Variants in JAKMIP3 observed in about 807,000 individuals in gnomAD.
The protein encoded by JAKMIP3 is Janus kinase and microtubule interacting protein 3, also known as janus kinase and microtubule-interacting protein 3.
Under a neutral mutation model 118.5 loss-of-function variants are expected in JAKMIP3, and 58 were observed. The ratio of observed to expected loss-of-function variants is 0.49; its 90% CI spans 0.40 to 0.61. The LOEUF (loss-of-function observed/expected upper bound fraction) is 0.61, where lower values mean the gene tolerates loss of function less well. Ranked by LOEUF, JAKMIP3 falls within the 20% of genes least tolerant of loss-of-function variation. The pLI is 0.00. For synonymous variants in JAKMIP3, 486 were observed against 451.2 expected (o/e 1.08, Z -0.98); for missense variants, 950 against 1,109.0 (o/e 0.86, Z 2.04).
intron 1 of JAKMIP3, among the ~76,000 whole-genome samples, chr10:132,087,225 TCTG>T (rs2042512827): frequency 2.0e-5 from 3 of 152,312 alleles, no homozygotes; most frequent in South Asian, 2.1e-4. Flanking sequence ...TGCTGAGAAA[TCTG>T]CTGTTAATCT....
At chr10:132,182,138 G>A (rs1015890440) in intron 23 of JAKMIP3, among the ~76,000 whole-genome samples, 1 of 152,182 alleles carries the variant, frequency 6.6e-6, no homozygotes, top group Non-Finnish European at 1.5e-5. Context: ...TGTGGCCTTC[G>A]GTGGGTGCCA....
rs1442774836 is a variant in JAKMIP3, at chr10:132,153,971, C to T, written c.2201C>T (p.Ala734Val). The stretch of plus-strand genomic sequence containing the variant: ...GAGGAGCTGGACTACCGGAAACAGG[C>T]CTTGGACCAGGCCAACAAGGTGAGA... ...LDEELDYRKQ[A>V]LDQANKHILE... The change falls in exon 19 of 24, where the codon GCC (alanine) becomes GTC (valine). Residue 734 changes from alanine (A) to valine (V), a missense_variant. By Grantham distance (64) the Ala-to-Val change is moderately conservative. Coordinates refer to ENST00000684848, the MANE Select transcript of JAKMIP3 (RefSeq NM_001323087.2). 1 of 1,613,032 alleles carries T rather than the reference C, an allele frequency of 6.2e-7. No individual in the cohort carries two copies. Among genetic ancestry groups the T allele is most frequent in the East Asian group, 2.2e-5 (1 of 44,872 alleles).
At chr10:132,063,497 C>T (rs1411606565), upstream of JAKMIP3, among the ~76,000 whole-genome samples, 1 of 152,180 alleles carries the variant, frequency 6.6e-6, no homozygotes, top group East Asian at 1.9e-4. Context: ...CTACAATGAG[C>T]ACATTTCACT....
Position 132,180,746 on chromosome 10 carries a change from C to CGTGTGTGTGCGTGTGTGT in JAKMIP3, c.*1104-1610_*1104-1609insTGTGTGTGCGTGTGTGTG, listed in dbSNP as rs1386218178. Among the ~76,000 whole-genome samples the CGTGTGTGTGCGTGTGTGT allele has an allele frequency of 1.9e-4, 2 of 10,750 alleles. 1 individual carries two copies. 7.1% of individuals were successfully genotyped at this position (10,750 alleles called of 152,430 possible). A position where few individuals can be genotyped will look rare whatever the true frequency, so the allele number is the denominator to read the frequency against. On this transcript the variant is annotated intron_variant, in intron 23 of 23. Transcript: ENST00000684848. ...GTGTGTGTGCGTGTGTGCGTGCGTG[C>CGTGTGTGTGCGTGTGTGT]GCGCGCGTGTGTGCGTGTGTGTGCG...
At chr10:132,116,225 C>T (rs1206437593) in intron 2 of JAKMIP3, among the ~76,000 whole-genome samples, 1 of 152,268 alleles carries the variant, frequency 6.6e-6, no homozygotes, top group Non-Finnish European at 1.5e-5. Context: ...CAGCGCGTTA[C>T]AGATTCCGGT....
rs2045641359 is a variant in JAKMIP3, at chr10:132,104,741, GCCACCC to G, written c.-64_-59del. Reference sequence around the variant, plus strand: ...CTGGGAGCTTGGCGTGGACACCCCAGCCACCCCCAGCCCAGCCCAGCCGGAGCACCC... The same window carrying G: ...CTGGGAGCTTGGCGTGGACACCCCAGCCAGCCCAGCCCAGCCGGAGCACCC... On this transcript the variant is annotated 5_prime_UTR_variant, in exon 2 of 24. Coordinates refer to ENST00000684848, the MANE Select transcript of JAKMIP3 (RefSeq NM_001323087.2). The G allele has an allele frequency of 5.3e-6, 8 of 1,504,202 alleles. No individual in the cohort carries two copies. The South Asian group carries it at 8.6e-5, about 16-fold the overall frequency. 93.2% of individuals were successfully genotyped at this position (1,504,202 alleles called of 1,614,324 possible).
In JAKMIP3 at chr10:132,180,774, T is replaced by TGTGTGTGCGCGC. The variant is rs1565022485; in HGVS notation, c.*1104-1576_*1104-1575insCGCGCGTGTGTG. On this transcript the variant is annotated intron_variant, in intron 23 of 23. Coordinates refer to ENST00000684848, the MANE Select transcript of JAKMIP3 (RefSeq NM_001323087.2). ...GCGCGTGTGTGCGTGTGTGTGCGTG[T>TGTGTGTGCGCGC]GTGTGTGTGCGCGTATGCATGTGCT... 3.9e-4 allele frequency among the ~76,000 whole-genome samples: 26 copies of TGTGTGTGCGCGC among 65,850 alleles called. 11 individuals are homozygous for TGTGTGTGCGCGC. The highest frequency in any genetic ancestry group is 7.8e-4 in the Non-Finnish European group (26 of 33,428). The allele number at this position is 65,850 out of a possible 152,430, so 43.2% of individuals were successfully genotyped here. A position where few individuals can be genotyped will look rare whatever the true frequency, so the allele number is the denominator to read the frequency against.
In JAKMIP3 at chr10:132,167,957, A is replaced by G; in HGVS notation, c.*27A>G. ...TCTACGTTTCATTTCTTCCAGCCCC[A>G]CATTGAATCGGACCCTTTTCCTCCA... On this transcript the variant is annotated 3_prime_UTR_variant, in exon 23 of 24. Coordinates refer to ENST00000684848, the MANE Select transcript of JAKMIP3 (RefSeq NM_001323087.2). The G allele has an allele frequency of 4.7e-6, 6 of 1,288,170 alleles. No homozygotes were observed. The highest frequency in any genetic ancestry group is 6.1e-6 in the Non-Finnish European group (6 of 988,586). 79.8% of individuals were successfully genotyped at this position (1,288,170 alleles called of 1,614,324 possible).
chr10:132,141,793 TAG>T lies in JAKMIP3; in HGVS notation c.1474-121_1474-120del, dbSNP rs923446170. On this transcript the variant is annotated intron_variant, in intron 10 of 23. Coordinates refer to ENST00000684848, the MANE Select transcript of JAKMIP3 (RefSeq NM_001323087.2). ...GAGCAGGTCCCCTCCCTCATGCTGC[TAG>T]AGAGACCCCCCCATACACCATTTGA... 55 of 1,106,270 alleles carry T rather than the reference TAG, an allele frequency of 5.0e-5. No individual in the cohort carries two copies. In the Admixed American group the frequency reaches 1.3e-3, roughly 26 times the overall value. 68.5% of individuals were successfully genotyped at this position (1,106,270 alleles called of 1,614,324 possible).
chr10:132,078,612 C>T (rs1443507488), intron 1 of JAKMIP3, among the ~76,000 whole-genome samples: 1 of 51,316 alleles, frequency 1.9e-5, no homozygotes, highest in East Asian at 9.5e-4. Context: ...GGGACCTTCT[C>T]TGGGGGCGGG....
intron 1 of JAKMIP3, among the ~76,000 whole-genome samples, chr10:132,048,416 C>T (rs916769432): frequency 3.3e-5 from 5 of 152,172 alleles, no homozygotes; most frequent in Admixed American, 3.3e-4. Context: ...AAGGCTGTTC[C>T]TTCTCCCCAT....
intron 23 of JAKMIP3, among the ~76,000 whole-genome samples, chr10:132,180,656 T>TGTGTGC (rs1554963087): frequency 1.0e-3 from 17 of 16,336 alleles, no homozygotes; most frequent in Non-Finnish European, 1.5e-3. Flanking sequence ...CGTGTGCGTG[T>TGTGTGC]GCGTGTGTGC....
upstream of JAKMIP3, among the ~76,000 whole-genome samples, chr10:132,061,266 G>GGC (rs1277914835): frequency 3.5e-5 from 5 of 142,796 alleles, no homozygotes; most frequent in African/African-American, 1.3e-4. Context: ...CTGCCGTGAT[G>GGC]GCGCGCACAC....
upstream of JAKMIP3, among the ~76,000 whole-genome samples, chr10:132,060,337 A>G (rs1218261006): frequency 6.6e-6 from 1 of 152,198 alleles, no homozygotes; most frequent in Non-Finnish European, 1.5e-5. Flanking sequence ...CGGGGCAGTC[A>G]CAGGGGCAGG....
At position 132,095,382 on chromosome 10, in the gene JAKMIP3, AGCCCACAGGGCTTTTCCCACTGC is replaced by A. The variant is rs2043706749; in HGVS notation, c.-137-9289_-137-9267del. Among the ~76,000 whole-genome samples the A allele has an allele frequency of 3.3e-5, 5 of 152,246 alleles. No individual in the cohort carries two copies. In the South Asian group the frequency reaches 8.3e-4, roughly 25 times the overall value. ...AGATGGCTTCCTAGGGAACCAAGAG[AGCCCACAGGGCTTTTCCCACTGC>A]TTCCTCCGCCCCTGTATTTCGCTCG... On this transcript the variant is annotated intron_variant, in intron 1 of 23. Transcript: ENST00000684848.
chr10:132,133,909 C>T (rs1191638711), intron 4 of JAKMIP3, among the ~76,000 whole-genome samples: 1 of 152,254 alleles, frequency 6.6e-6, no homozygotes, highest in African/African-American at 2.4e-5. Flanking sequence ...ACGGCCTCTG[C>T]CTCTGGCCCG....
At chr10:132,122,792 G>A (rs1221843040) in intron 3 of JAKMIP3, among the ~76,000 whole-genome samples, 3 of 152,224 alleles carry the variant, frequency 2.0e-5, no homozygotes, top group African/African-American at 4.8e-5. Context: ...CTGGGCTGCT[G>A]GAGAAGCTGG....
chr10:132,100,702 A>T (rs1011492437), intron 1 of JAKMIP3, among the ~76,000 whole-genome samples: 1 of 152,126 alleles, frequency 6.6e-6, no homozygotes. Context: ...AGCTGTGATC[A>T]TCCGAGGTGC....
At chr10:132,058,340 C>T (rs1230412036) in intron 1 of JAKMIP3, among the ~76,000 whole-genome samples, 1 of 152,166 alleles carries the variant, frequency 6.6e-6, no homozygotes, top group East Asian at 1.9e-4. Flanking sequence ...CTGCTGCAGC[C>T]CAAATCAGCT....
Sources: allele counts gnomAD v4.1 joint callset (sites outside exome capture counted in the v4.1 genomes callset), GRCh38; gene constraint gnomAD v4.1.1; transcripts MANE v1.5; gene names NCBI Gene and HGNC (gene_info 2026-07-23, HGNC 2026-07-21).